RBFOX1: variants seen among roughly 807,000 people sequenced by gnomAD.
RBFOX1 encodes the protein RNA binding protein fox-1 homolog 1.
Under a neutral mutation model 57.7 loss-of-function variants are expected in RBFOX1, and 8 were observed. The observed-to-expected ratio is 0.14, with a 90% confidence interval of 0.08 to 0.25. The LOEUF is 0.25. Among genes scored for constraint, RBFOX1 ranks in the 10% least tolerant of loss-of-function variants. RBFOX1 has a pLI of 1.00. For synonymous variants in RBFOX1, 326 were observed against 222.4 expected (o/e 1.47, Z -4.15); for missense variants, 611 against 548.5 (o/e 1.11, Z -1.14).
At chr16:7,132,260 C>G (rs547892389) in intron 4 of RBFOX1, among the ~76,000 whole-genome samples, 236 of 152,142 alleles carry the variant, frequency 1.6e-3, no homozygotes, top group Non-Finnish European at 2.5e-3. Context: ...GGATTACAGT[C>G]ATGAGATACC....
At chr16:7,449,875 G>T (rs2098838173) in intron 4 of RBFOX1, among the ~76,000 whole-genome samples, 1 of 152,060 alleles carries the variant, frequency 6.6e-6, no homozygotes, top group South Asian at 2.1e-4. Context: ...CAAATGCGAG[G>T]GGCTTGAAGA....
chr16:6,728,272 C>G (rs1046804809), intron 3 of RBFOX1, among the ~76,000 whole-genome samples: 1 of 152,146 alleles, frequency 6.6e-6, no homozygotes, highest in Non-Finnish European at 1.5e-5. Flanking sequence ...AAGCAGTTTT[C>G]AGCTTGGGGA....
intron 1 of RBFOX1, among the ~76,000 whole-genome samples, chr16:6,138,124 A>C (rs2096682238): frequency 6.6e-6 from 1 of 152,202 alleles, no homozygotes; most frequent in Non-Finnish European, 1.5e-5. Flanking sequence ...CCTGCATTTG[A>C]ATTCTAGTTC....
intron 2 of RBFOX1, among the ~76,000 whole-genome samples, chr16:6,516,934 G>T (rs1045526717): frequency 2.0e-5 from 3 of 152,166 alleles, no homozygotes; most frequent in Non-Finnish European, 4.4e-5. Context: ...AAAACTAACC[G>T]CTTTCCTCCA....
intron 3 of RBFOX1, among the ~76,000 whole-genome samples, chr16:6,801,287 T>G (rs528969078): frequency 6.6e-6 from 1 of 152,198 alleles, no homozygotes; most frequent in Admixed American, 6.5e-5. Flanking sequence ...ATTTTGTCCT[T>G]TAGAACATAT....
At chr16:6,529,253 C>G (rs1210044222) in intron 2 of RBFOX1, among the ~76,000 whole-genome samples, 2 of 152,026 alleles carry the variant, frequency 1.3e-5, no homozygotes, top group African/African-American at 4.8e-5. Context: ...ACTGTAAGTT[C>G]TACTATGCAT....
At chr16:5,972,355 G>T (rs2059978985) in intron 4 of RBFOX1, among the ~76,000 whole-genome samples, 1 of 152,326 alleles carries the variant, frequency 6.6e-6, no homozygotes, top group Middle Eastern at 3.4e-3. Flanking sequence ...CAGCTAGACA[G>T]TGTCACTGAC....
intron 11 of RBFOX1, among the ~76,000 whole-genome samples, chr16:7,641,968 A>T (rs2062886573): frequency 6.6e-6 from 1 of 152,052 alleles, no homozygotes; most frequent in Non-Finnish European, 1.5e-5. Context: ...AAGTCCACCA[A>T]ACCAGATGTG....
chr16:7,469,936 T>A (rs575666080), intron 4 of RBFOX1, among the ~76,000 whole-genome samples: 1 of 152,304 alleles, frequency 6.6e-6, no homozygotes, highest in East Asian at 1.9e-4. Context: ...ACATTATTTG[T>A]CTTTTTGTGA....
chr16:6,957,437 G>C (rs2082105889), intron 3 of RBFOX1, among the ~76,000 whole-genome samples: 1 of 152,096 alleles, frequency 6.6e-6, no homozygotes, highest in African/African-American at 2.4e-5. Context: ...TAAACAAGGG[G>C]TGGATTATTC....
chr16:7,433,687 C>T (rs568362261), intron 4 of RBFOX1, among the ~76,000 whole-genome samples: 20 of 152,268 alleles, frequency 1.3e-4, no homozygotes, highest in Middle Eastern at 3.4e-3. Flanking sequence ...TTCATCCATC[C>T]CTTCTACCAT....
intron 3 of RBFOX1, among the ~76,000 whole-genome samples, chr16:6,921,168 A>G (rs1046023086): frequency 6.6e-6 from 1 of 152,158 alleles, no homozygotes; most frequent in Non-Finnish European, 1.5e-5. Flanking sequence ...GGTGATATTC[A>G]TCTTAACTAA....
At position 6,360,761 on chromosome 16, in the gene RBFOX1, C is replaced by G. The variant is rs74532497; in HGVS notation, c.-64+43704C>G. On this transcript the variant is annotated intron_variant, in intron 2 of 15. Transcript: ENST00000550418. Reference sequence around the variant, plus strand: ...GTTAAGAAGCTATTCATTTGTTTTTCTCAGATGACTAAGGATGGGGCCATG... The same window carrying G: ...GTTAAGAAGCTATTCATTTGTTTTTGTCAGATGACTAAGGATGGGGCCATG... Among the ~76,000 whole-genome samples, 1,430 of 152,208 alleles carry G rather than the reference C, an allele frequency of 9.4e-3. 31 individuals are homozygous for G. Among genetic ancestry groups the G allele is most frequent in the African/African-American group, 0.03 (1,233 of 41,522 alleles).
intron 3 of RBFOX1, among the ~76,000 whole-genome samples, chr16:7,040,001 T>C (rs1010037548): frequency 5.6e-5 from 6 of 107,404 alleles, no homozygotes; most frequent in Admixed American, 2.1e-4. Context: ...TGGGGAGTTA[T>C]TTTATTATTA....
At chr16:7,618,139 T>C (rs1367875871) in intron 10 of RBFOX1, among the ~76,000 whole-genome samples, 1 of 152,184 alleles carries the variant, frequency 6.6e-6, no homozygotes, top group Non-Finnish European at 1.5e-5. Flanking sequence ...TAGAGAAAGG[T>C]TGCATAAGAC....
chr16:7,146,160 C>T (rs1482321871), intron 4 of RBFOX1, among the ~76,000 whole-genome samples: 1 of 152,144 alleles, frequency 6.6e-6, no homozygotes, highest in Admixed American at 6.5e-5. Context: ...TGTCGTTTAC[C>T]CCAGAGCATG....
intron 4 of RBFOX1, among the ~76,000 whole-genome samples, chr16:7,439,197 G>T (rs1222528721): frequency 6.6e-6 from 1 of 152,096 alleles, no homozygotes; most frequent in Non-Finnish European, 1.5e-5. Context: ...ATTGCAGGAG[G>T]CCTTGAACTC....
At chr16:6,431,331 C>T (rs1345528827) in intron 2 of RBFOX1, among the ~76,000 whole-genome samples, 2 of 151,670 alleles carry the variant, frequency 1.3e-5, no homozygotes, top group Non-Finnish European at 1.5e-5. Context: ...ATAGGTGAGG[C>T]AGGTGGATGG....
At chr16:7,158,207 G>A (rs186403136) in intron 4 of RBFOX1, among the ~76,000 whole-genome samples, 6 of 152,130 alleles carry the variant, frequency 3.9e-5, no homozygotes, top group Non-Finnish European at 5.9e-5. Context: ...TTAGCCGAGC[G>A]TGCCGGTGGG....
Sources: allele counts gnomAD v4.1 joint callset (sites outside exome capture counted in the v4.1 genomes callset), GRCh38; gene constraint gnomAD v4.1.1; transcripts MANE v1.5; gene names NCBI Gene and HGNC (gene_info 2026-07-23, HGNC 2026-07-21).